Variants in ALMS1 observed in about 807,000 individuals in gnomAD.
The protein encoded by ALMS1 is ALMS1 centrosome and basal body associated protein.
A neutral mutation model predicts 352.2 loss-of-function variants in ALMS1; 271 were observed. The ratio of observed to expected loss-of-function variants is 0.77; its 90% confidence interval spans 0.70 to 0.85. The LOEUF (loss-of-function observed/expected upper bound fraction) is 0.85. ALMS1 is among the 40% of genes least tolerant of loss of function. The probability of loss-of-function intolerance (pLI) is 0.00; values close to 1 mark genes in which losing one functional copy is unlikely to be tolerated. For missense variants in ALMS1, 5,445 were observed against 4,870.7 expected (o/e 1.12, Z -3.51); for synonymous variants, 1,865 against 1,761.2 (o/e 1.06, Z -1.48).
At chr2:73,412,607 T>C (rs1204152113) in intron 2 of ALMS1, among the ~76,000 whole-genome samples, 1 of 152,020 alleles carries the variant, frequency 6.6e-6, no homozygotes, top group Non-Finnish European at 1.5e-5. Flanking sequence ...CTGGCCAATA[T>C]GGTGTAGTAG....
chr2:73,389,199 G>T (rs1361560821), intron 1 of ALMS1, among the ~76,000 whole-genome samples: 1 of 152,124 alleles, frequency 6.6e-6, no homozygotes, highest in Non-Finnish European at 1.5e-5. Context: ...TAGTGATGTT[G>T]AGCATTTTTT....
chr2:73,497,936 C>G (rs1167097511), intron 10 of ALMS1, among the ~76,000 whole-genome samples: 1 of 151,442 alleles, frequency 6.6e-6, no homozygotes, highest in Non-Finnish European at 1.5e-5. Flanking sequence ...TTTTTTAAGC[C>G]TATAGGTTTA....
At chr2:73,445,014 G>A (rs1671779671) in intron 7 of ALMS1, among the ~76,000 whole-genome samples, 1 of 136,298 alleles carries the variant, frequency 7.3e-6, no homozygotes. Context: ...TATCACTGGT[G>A]TCTTTTTAAA....
intron 9 of ALMS1, among the ~76,000 whole-genome samples, chr2:73,474,609 G>T (rs1006554397): frequency 7.2e-5 from 11 of 151,976 alleles, no homozygotes; most frequent in African/African-American, 2.7e-4. Context: ...CAAAGTGCTG[G>T]TATTACAGGC....
At chr2:73,436,747 C>G (rs2103744512) in intron 7 of ALMS1, among the ~76,000 whole-genome samples, 1 of 152,154 alleles carries the variant, frequency 6.6e-6, no homozygotes, top group South Asian at 2.1e-4. Context: ...TAAGTTCTGT[C>G]TTTCATTCTG....
At chr2:73,412,296 T>A (rs1671094630) in intron 2 of ALMS1, among the ~76,000 whole-genome samples, 3 of 152,232 alleles carry the variant, frequency 2.0e-5, no homozygotes, top group Admixed American at 2.0e-4. Context: ...ATCCAATTTC[T>A]TTCTCTTTAG....
In ALMS1 at chr2:73,539,774, A is replaced by G. The variant is rs551017999; in HGVS notation, c.9907+4825A>G. Among the ~76,000 whole-genome samples, 11 of 152,358 alleles carry G rather than the reference A, an allele frequency of 7.2e-5. No homozygotes were observed. The East Asian group carries it at 2.1e-3, about 29-fold the overall frequency. On this transcript the variant is annotated intron_variant, in intron 12 of 22. Transcript: ENST00000613296. The stretch of plus-strand genomic sequence containing the variant: ...TTGATCAACTGGCAGAAAGGGTATC[A>G]GTGATGGAAGATCAGATGAATGAAA...
Position 73,449,631 on chromosome 2 carries a change from C to A in ALMS1, c.3104C>A (p.Pro1035Gln). 1 of 1,614,022 alleles carries A rather than the reference C, an allele frequency of 6.2e-7. No homozygotes were observed. The highest frequency in any genetic ancestry group is 8.5e-7 in the Non-Finnish European group (1 of 1,179,964). Residue 1035 changes from proline to glutamine, a missense_variant, in exon 8 of 23, where the codon CCA becomes CAA. Pro to Gln is a moderately conservative substitution (Grantham distance 76). Coordinates refer to ENST00000613296, the MANE Select transcript of ALMS1 (RefSeq NM_001378454.1). The part of the protein sequence containing the change: ...KALKVSTGPG[P>Q]ADQKTEIPAV... ...CTGAAAGTTTCAACTGGCCCTGGACCAGCTGACCAGAAGACTGAGATACCA... is the reference window on the plus strand; with the variant it reads ...CTGAAAGTTTCAACTGGCCCTGGACAAGCTGACCAGAAGACTGAGATACCA...
chr2:73,421,634 A>T (rs1172407983), intron 3 of ALMS1, among the ~76,000 whole-genome samples: 7 of 152,140 alleles, frequency 4.6e-5, no homozygotes, highest in Non-Finnish European at 8.8e-5. Flanking sequence ...GGCACTGAGG[A>T]TATAGCTATG....
intron 2 of ALMS1, among the ~76,000 whole-genome samples, chr2:73,411,563 A>G (rs1324851957): frequency 6.6e-6 from 1 of 152,180 alleles, no homozygotes; most frequent in Non-Finnish European, 1.5e-5. Flanking sequence ...ACACAATACG[A>G]ACCATGATGG....
At chr2:73,417,402 TTAAA>T (rs1310060043) in intron 2 of ALMS1, among the ~76,000 whole-genome samples, 1 of 152,202 alleles carries the variant, frequency 6.6e-6, no homozygotes, top group Non-Finnish European at 1.5e-5. Flanking sequence ...TTGAAGTTGC[TTAAA>T]TAAATACAGA....
In ALMS1 at chr2:73,594,691, G is replaced by C. The variant is rs556497650; in HGVS notation, c.11548-4710G>C. On this transcript the variant is annotated intron_variant, in intron 16 of 22. Transcript: ENST00000613296. ...TTTAACTTAAATCCAATATCTCCTT[G>C]CATTGGAATACCTGGCTCTGCTCCC... 2.0e-5 allele frequency among the ~76,000 whole-genome samples: 3 copies of C among 152,272 alleles called. No individual in the cohort carries two copies. In the South Asian group the frequency reaches 6.2e-4, roughly 32 times the overall value.
At chr2:73,444,971 A>G (rs1489576838) in intron 7 of ALMS1, among the ~76,000 whole-genome samples, 3 of 152,156 alleles carry the variant, frequency 2.0e-5, no homozygotes, top group Admixed American at 2.0e-4. Context: ...GAAAGCAAGA[A>G]TAACAACAAT....
chr2:73,454,543 T>G (rs1366264402), intron 8 of ALMS1: 1 of 206,566 alleles, frequency 4.8e-6, no homozygotes, highest in Admixed American at 6.5e-5. Context: ...ATAGAACTCT[T>G]GGTGTTGATC....
chr2:73,571,251 C>A (rs1674920558), intron 15 of ALMS1, among the ~76,000 whole-genome samples: 1 of 152,210 alleles, frequency 6.6e-6, no homozygotes, highest in African/African-American at 2.4e-5. Flanking sequence ...AGGATCCCAT[C>A]ATTGCATGTG....
intron 9 of ALMS1, among the ~76,000 whole-genome samples, chr2:73,481,343 C>T (rs1672699261): frequency 1.3e-5 from 2 of 152,106 alleles, no homozygotes; most frequent in South Asian, 4.1e-4. Flanking sequence ...AATCCTTTCC[C>T]CATTGCTTGT....
chr2:73,401,228 C>T (rs1475023601), intron 1 of ALMS1, among the ~76,000 whole-genome samples: 2 of 152,142 alleles, frequency 1.3e-5, no homozygotes, highest in East Asian at 1.9e-4. Context: ...TTCTCAATTT[C>T]ATTGATTTCT....
At position 73,498,517 on chromosome 2, in the gene ALMS1, G is replaced by A. The variant is rs72911304; in HGVS notation, c.9539+7019G>A. On this transcript the variant is annotated intron_variant, in intron 10 of 22. Transcript: ENST00000613296. The stretch of plus-strand genomic sequence containing the variant: ...CTTATTCATTCTTTCTATTTTGTGT[G>A]TGTGTGTGTGTGTGCCCATTAACCA... Among the ~76,000 whole-genome samples the A allele has an allele frequency of 4.0e-3, 604 of 151,846 alleles. 5 individuals carry two copies. The highest frequency in any genetic ancestry group is 0.012 in the African/African-American group (502 of 41,370).
At chr2:73,556,340 C>T (rs904000948) in intron 13 of ALMS1, among the ~76,000 whole-genome samples, 10 of 151,878 alleles carry the variant, frequency 6.6e-5, no homozygotes, top group Non-Finnish European at 1.3e-4. Context: ...ATCTCTATTG[C>T]CTTTCTGATT....
Sources: allele counts gnomAD v4.1 joint callset (sites outside exome capture counted in the v4.1 genomes callset), GRCh38; gene constraint gnomAD v4.1.1; transcripts MANE v1.5; gene names NCBI Gene and HGNC (gene_info 2026-07-23, HGNC 2026-07-21).